ABI3BP: variants seen among roughly 807,000 people sequenced by gnomAD.
ABI3BP encodes target of Nesh-SH3.
Under a neutral mutation model 268.6 loss-of-function variants are expected in ABI3BP, and 216 were observed. The ratio of observed to expected loss-of-function variants is 0.80; its 90% CI spans 0.72 to 0.90. The LOEUF (loss-of-function observed/expected upper bound fraction) is 0.90. Ranked by LOEUF, ABI3BP falls within the 40% of genes least tolerant of loss-of-function variation. The probability of loss-of-function intolerance (pLI) is 0.00; values close to 1 mark genes in which losing one functional copy is unlikely to be tolerated. For synonymous variants in ABI3BP, 730 were observed against 730.0 expected, an observed-to-expected ratio of 1.00 and a Z score of 0.00; for missense variants, 2,090 against 2,182.4, an observed-to-expected ratio of 0.96 and a Z score of 0.84.
chr3:100,894,958 A>AAAAAAAAAAAAAAAAACAAAAACAAAAAC (rs1561384972), intron 4 of ABI3BP, among the ~76,000 whole-genome samples: 2 of 144,100 alleles, frequency 1.4e-5, no homozygotes, highest in African/African-American at 2.5e-5. Context: ...AAAAAAAAAA[A>AAAAAAAAAAAAAAAAACAAAAACAAAAAC]AAAAAAAAAC....
At chr3:100,970,341 T>C (rs992101842) in intron 1 of ABI3BP, among the ~76,000 whole-genome samples, 24 of 152,146 alleles carry the variant, frequency 1.6e-4, no homozygotes, top group African/African-American at 5.8e-4. Context: ...CTGTGAAAAA[T>C]GGAGCACCCC....
At chr3:100,960,549 A>C (rs1025853272) in intron 1 of ABI3BP, among the ~76,000 whole-genome samples, 1 of 152,226 alleles carries the variant, frequency 6.6e-6, no homozygotes, top group African/African-American at 2.4e-5. Context: ...TATGTTAAAC[A>C]GGAAGATTCT....
intron 10 of ABI3BP, among the ~76,000 whole-genome samples, chr3:100,865,720 T>A (rs2099044324): frequency 6.6e-6 from 1 of 152,190 alleles, no homozygotes; most frequent in South Asian, 2.1e-4. Context: ...GGCAGAGGAC[T>A]AAAAACATGT....
chr3:100,887,781 T>C (rs2042660145), intron 4 of ABI3BP, among the ~76,000 whole-genome samples: 1 of 152,080 alleles, frequency 6.6e-6, no homozygotes, highest in Non-Finnish European at 1.5e-5. Flanking sequence ...AAAACATTTA[T>C]TGAGCATTCT....
intron 9 of ABI3BP, among the ~76,000 whole-genome samples, chr3:100,867,640 C>CAAAAAAAAA (rs5851230): frequency 2.0e-4 from 13 of 64,208 alleles, no homozygotes; most frequent in African/African-American, 3.9e-4. Context: ...GACCCCGTCT[C>CAAAAAAAAA]AAAAAAAAAA....
chr3:100,910,245 A>G (rs1383457808), intron 2 of ABI3BP, among the ~76,000 whole-genome samples: 3 of 152,014 alleles, frequency 2.0e-5, no homozygotes, highest in Non-Finnish European at 4.4e-5. Context: ...AACATCACAC[A>G]CTGAGGCCTG....
rs534981787 is a variant in ABI3BP at position 100,921,575 on chromosome 3, C to T, written c.259+4727G>A. 1.4e-3 allele frequency among the ~76,000 whole-genome samples: 216 copies of T among 151,766 alleles called. 2 individuals carry two copies. The highest frequency in any genetic ancestry group is 4.9e-3 in the African/African-American group (204 of 41,384). ...ATGAAATGTGAATCATGTTTTATCA[C>T]GTCATCGCAGGGCTCTGGAGGCAAT... On this transcript the variant is annotated intron_variant, in intron 2 of 67. Coordinates refer to ENST00000471714, the MANE Select transcript of ABI3BP (RefSeq NM_001375547.2).
At chr3:100,990,249 C>T (rs1033529426) in intron 1 of ABI3BP, among the ~76,000 whole-genome samples, 22 of 152,158 alleles carry the variant, frequency 1.4e-4, no homozygotes, top group Admixed American at 2.6e-4. Flanking sequence ...TTCTATGACC[C>T]AATAAGGATT....
Position 100,821,070 on chromosome 3 carries a change from A to C in ABI3BP, c.2931T>G (p.Thr977=), listed in dbSNP as rs1197552679. Residue 977 remains threonine (T), a synonymous_variant, in exon 39 of 68, where the codon ACT becomes ACG. Transcript: ENST00000471714. ...TGCTATTACCTTGTGTTGTCACCCA[A>C]GTCTCAGTTCTGAGTGTAACAGGTT... is the stretch of plus-strand genomic sequence containing the variant. ...ELKPVTLRTE[T]WVTTQAPKTS... 6.5e-7 allele frequency: 1 copy of C among 1,535,962 alleles called. No homozygotes were observed. The highest frequency in any genetic ancestry group is 1.2e-5 in the South Asian group (1 of 84,060).
chr3:100,926,236 A>T, intron 2 of ABI3BP, 66 bp downstream of exon 2: 2 of 1,506,160 alleles, frequency 1.3e-6, no homozygotes, highest in Non-Finnish European at 1.8e-6. Context: ...CAAGATTTGT[A>T]GGTCATGTTA....
chr3:100,989,222 C>T (rs1043389579), intron 1 of ABI3BP, among the ~76,000 whole-genome samples: 30 of 152,266 alleles, frequency 2.0e-4, no homozygotes, highest in African/African-American at 6.7e-4. Context: ...TCCCAGCTTC[C>T]AGAACCGTGA....
At chr3:100,975,279 T>C (rs1024980719) in intron 1 of ABI3BP, among the ~76,000 whole-genome samples, 2 of 152,162 alleles carry the variant, frequency 1.3e-5, no homozygotes, top group Admixed American at 1.3e-4. Flanking sequence ...CATACTGAAA[T>C]TCAACTTTAG....
intron 1 of ABI3BP, among the ~76,000 whole-genome samples, chr3:100,980,390 CA>C (rs1314567236): frequency 1.3e-5 from 2 of 152,268 alleles, no homozygotes; most frequent in Non-Finnish European, 2.9e-5. Flanking sequence ...TGAACCAGCA[CA>C]ACAATCCAAC....
chr3:100,774,948 TTAG>T (rs1340128366), intron 60 of ABI3BP, among the ~76,000 whole-genome samples: 1 of 152,206 alleles, frequency 6.6e-6, no homozygotes, highest in Admixed American at 6.5e-5. Context: ...ATAATGTGAT[TTAG>T]TAGTAGCATT....
chr3:100,966,405 C>T (rs2081317023), intron 1 of ABI3BP, among the ~76,000 whole-genome samples: 1 of 152,188 alleles, frequency 6.6e-6, no homozygotes, highest in Non-Finnish European at 1.5e-5. Context: ...GGGCCAAATC[C>T]AGTCCACCAC....
chr3:100,908,892 A>G (rs2054850256), intron 2 of ABI3BP, among the ~76,000 whole-genome samples: 1 of 152,186 alleles, frequency 6.6e-6, no homozygotes, highest in Non-Finnish European at 1.5e-5. Context: ...TTCTTCACGG[A>G]ATTGGAAAAA....
At chr3:100,841,914 AAAC>A (rs1580048582) in intron 21 of ABI3BP, 81 bp downstream of exon 21, 1 of 1,217,476 alleles carries the variant, frequency 8.2e-7, no homozygotes, top group Non-Finnish European at 1.1e-6. Context: ...AAAAAAAAAA[AAAC>A]AAAACCCAAA....
chr3:100,778,493 CAG>C, intron 58 of ABI3BP, 117 bp from the exon 59 acceptor site: 1 of 839,020 alleles, frequency 1.2e-6, no homozygotes, highest in East Asian at 2.7e-5. Context: ...AGTTGGATGA[CAG>C]AGAATAGATT....
chr3:100,853,141 C>A (rs181679691), intron 14 of ABI3BP, among the ~76,000 whole-genome samples: 1 of 152,142 alleles, frequency 6.6e-6, no homozygotes, highest in Admixed American at 6.5e-5. Context: ...AAGTAGACAG[C>A]ATTTTATATT....
Sources: allele counts gnomAD v4.1 joint callset (sites outside exome capture counted in the v4.1 genomes callset), GRCh38; gene constraint gnomAD v4.1.1; transcripts MANE v1.5; gene names NCBI Gene and HGNC (gene_info 2026-07-23, HGNC 2026-07-21).